The following CCDC180 variants were observed in gnomAD, a reference collection of about 807,000 sequenced individuals.
The protein encoded by CCDC180 is coiled-coil domain containing 180.
A neutral mutation model predicts 209.2 loss-of-function variants in CCDC180; 154 were observed. That is an observed-to-expected ratio of 0.74 (90% CI 0.65 to 0.84). The LOEUF (loss-of-function observed/expected upper bound fraction) is 0.84. CCDC180 is among the 40% of genes least tolerant of loss of function. CCDC180 has a pLI of 0.00. For missense variants in CCDC180, 1,874 were observed against 1,997.3 expected, an observed-to-expected ratio of 0.94 and a Z score of 1.18; for synonymous variants, 778 against 749.1, an observed-to-expected ratio of 1.04 and a Z score of -0.63.
At chr9:97,337,095 T>G (rs1475895435) in intron 18 of CCDC180, among the ~76,000 whole-genome samples, 10 of 152,174 alleles carry the variant, frequency 6.6e-5, no homozygotes, top group African/African-American at 1.2e-4. Flanking sequence ...AATATACAAT[T>G]AGGTCATCTG....
chr9:97,330,162 T>C lies in CCDC180; in HGVS notation c.1797T>C (p.Ala599=). The stretch of plus-strand genomic sequence containing the variant: ...TTGGTTTTTCCTTGTAGAACTTGGC[T>C]GGAGAAGTCATTTTCAAATTCAGGC... ...FVREIFEQNL[A]GEVIFKFRQP... Residue 599 remains alanine, a synonymous_variant, in exon 17 of 37, where the codon GCT becomes GCC. Transcript: ENST00000529487. The C allele has an allele frequency of 6.2e-7, 1 of 1,613,106 alleles. No homozygotes were observed. The highest frequency in any genetic ancestry group is 8.5e-7 in the Non-Finnish European group (1 of 1,179,704).
rs374936508 is a variant in CCDC180, at chr9:97,322,853, A to G, written c.1180A>G (p.Met394Val). 2.4e-4 allele frequency: 381 copies of G among 1,614,114 alleles called. 4 individuals are homozygous for G. The South Asian group carries it at 3.9e-3, about 17-fold the overall frequency. ...KELDTYHVDC[M>V]MRIRLLYEKT... ...TGGAGACACCTACCACGTGGACTGC[A>G]TGATGCGGATCCGCCTGCTGTATGA... The change falls in exon 12 of 37, where the codon ATG (methionine) becomes GTG (valine). Residue 394 changes from methionine (M) to valine (V), a missense_variant. Coordinates refer to ENST00000529487, the MANE Select transcript of CCDC180 (RefSeq NM_020893.6).
intron 25 of CCDC180, among the ~76,000 whole-genome samples, chr9:97,359,318 T>G (rs1826683141): frequency 6.6e-6 from 1 of 152,138 alleles, no homozygotes; most frequent in Admixed American, 6.5e-5. Flanking sequence ...GGGTGTTGGG[T>G]GGGTGCCAGG....
At chr9:97,342,029 A>G (rs1280050066) in intron 18 of CCDC180, among the ~76,000 whole-genome samples, 1 of 152,204 alleles carries the variant, frequency 6.6e-6, no homozygotes, top group Non-Finnish European at 1.5e-5. Flanking sequence ...AGACTTTTGG[A>G]AAAGCACAGT....
chr9:97,374,491 G>A (rs1827186766), intron 34 of CCDC180, 52 bp from the exon 35 acceptor site: 6 of 1,400,106 alleles, frequency 4.3e-6, no homozygotes, highest in Admixed American at 1.8e-5. Flanking sequence ...GAAATCCCTC[G>A]ATCTCAGGCT....
Position 97,323,923 on chromosome 9 carries a change from C to T in CCDC180, c.1371+20C>T. 6.4e-7 allele frequency: 1 copy of T among 1,550,814 alleles called. No individual in the cohort carries two copies. Among genetic ancestry groups the T allele is most frequent in the South Asian group, 1.2e-5 (1 of 83,928 alleles). On this transcript the variant is annotated intron_variant, in intron 13 of 36. Coordinates refer to ENST00000529487, the MANE Select transcript of CCDC180 (RefSeq NM_020893.6). Reference sequence around the variant, plus strand: ...TTGGACGTGCGTGCTGGGGACTGTTCCACTGGGGAGCTGAGGTGGGGTTGG... The same window carrying T: ...TTGGACGTGCGTGCTGGGGACTGTTTCACTGGGGAGCTGAGGTGGGGTTGG...
Position 97,354,632 on chromosome 9 carries a change from G to A in CCDC180, c.3066G>A (p.Glu1022=), listed in dbSNP as rs1181521398. 1 of 1,614,254 alleles carries A rather than the reference G, an allele frequency of 6.2e-7. No homozygotes were observed. The highest frequency in any genetic ancestry group is 1.3e-5 in the African/African-American group (1 of 75,074). The change falls in exon 23 of 37, where the codon GAG becomes GAA. Residue 1022 remains glutamate, a synonymous_variant. Coordinates refer to ENST00000529487, the MANE Select transcript of CCDC180 (RefSeq NM_020893.6). ...KEINSLCSRL[E]KEAARIELVE... ...TCAATTCACTGTGTTCCCGACTGGAGAAGGAAGCTGCCCGGATAGAGTTGG... is the reference window on the plus strand; with the variant it reads ...TCAATTCACTGTGTTCCCGACTGGAAAAGGAAGCTGCCCGGATAGAGTTGG...
chr9:97,316,276 C>G (rs2118567646), intron 8 of CCDC180, among the ~76,000 whole-genome samples: 1 of 152,310 alleles, frequency 6.6e-6, no homozygotes, highest in East Asian at 1.9e-4. Context: ...AGCATGAACC[C>G]CATCTTACGG....
At chr9:97,326,816 G>A in intron 15 of CCDC180, 147 bp downstream of exon 15, 1 of 584,156 alleles carries the variant, frequency 1.7e-6, no homozygotes, top group South Asian at 2.2e-5. Context: ...GCCCTCTGCA[G>A]CTCTACTCTC....
At chr9:97,365,561 A>G (rs1173723792) in intron 29 of CCDC180, 112 bp from the exon 30 acceptor site, 7 of 903,488 alleles carry the variant, frequency 7.7e-6, no homozygotes, top group Non-Finnish European at 1.1e-5. Flanking sequence ...GAGTAATTTC[A>G]AGGAGTGTCA....
rs1825810754 is a variant in CCDC180 at position 97,333,510 on chromosome 9, T to TC, written c.2274+2743_2274+2744insC. ...ATTTGGTCCTGGGTTTGGGTTTTTT[T>TC]TTTTTTTTTTTTTTTTTTTGGTTTG... On this transcript the variant is annotated intron_variant, in intron 18 of 36. Coordinates refer to ENST00000529487, the MANE Select transcript of CCDC180 (RefSeq NM_020893.6). 3.4e-5 allele frequency among the ~76,000 whole-genome samples: 5 copies of TC among 148,454 alleles called. 1 individual carries two copies. The highest frequency in any genetic ancestry group is 1.2e-4 in the African/African-American group (5 of 40,408).
At chr9:97,315,487 C>G (rs1211645393) in intron 8 of CCDC180, among the ~76,000 whole-genome samples, 1 of 152,210 alleles carries the variant, frequency 6.6e-6, no homozygotes, top group Non-Finnish European at 1.5e-5. Context: ...TAGCACCCCT[C>G]CCCACAGCTG....
At chr9:97,311,415 A>T (rs968923325) in intron 3 of CCDC180, among the ~76,000 whole-genome samples, 1 of 152,222 alleles carries the variant, frequency 6.6e-6, no homozygotes, top group Non-Finnish European at 1.5e-5. Context: ...AGTATTGGAC[A>T]TATGGGGCGC....
At chr9:97,339,602 A>G (rs1213329070) in intron 18 of CCDC180, among the ~76,000 whole-genome samples, 11 of 151,824 alleles carry the variant, frequency 7.2e-5, no homozygotes, top group Non-Finnish European at 1.6e-4. Flanking sequence ...TTTTTCCTTC[A>G]TTTCAACCTT....
At chr9:97,338,454 C>T (rs1825976204) in intron 18 of CCDC180, among the ~76,000 whole-genome samples, 1 of 152,134 alleles carries the variant, frequency 6.6e-6, no homozygotes, top group Non-Finnish European at 1.5e-5. Flanking sequence ...TGTTCTGTTT[C>T]CATGGAGTTG....
At chr9:97,347,732 T>C (rs535349505) in intron 20 of CCDC180, 60 of 475,872 alleles carry the variant, frequency 1.3e-4, no homozygotes, top group African/African-American at 8.0e-4. Context: ...GAGGGTGTTA[T>C]AGTTGAAAAC....
Position 97,326,659 on chromosome 9 carries a change from A to G in CCDC180, c.1651A>G (p.Met551Val). ...AAAGGTCAAAGATTATCTGAAGAACATGAAATCCAGGTAGGCCAACCAGAC... is the reference window on the plus strand; with the variant it reads ...AAAGGTCAAAGATTATCTGAAGAACGTGAAATCCAGGTAGGCCAACCAGAC... ...LEKVKDYLKN[M>V]KSRYECFHTL... Residue 551 changes from methionine (M) to valine (V), a missense_variant, in exon 15 of 37, where the codon ATG (methionine) becomes GTG (valine). Physicochemically the swap from Met to Val is conservative, Grantham distance 21. Transcript: ENST00000529487. The G allele has an allele frequency of 6.2e-7, 1 of 1,608,216 alleles. No individual in the cohort carries two copies. Among genetic ancestry groups the G allele is most frequent in the African/African-American group, 1.3e-5 (1 of 74,918 alleles).
At chr9:97,313,205 C>T (rs1318699908) in intron 4 of CCDC180, 31 bp from the exon 5 acceptor site, 1 of 1,458,288 alleles carries the variant, frequency 6.9e-7, no homozygotes, top group South Asian at 1.1e-5. Flanking sequence ...GCTCTGAAGG[C>T]AGCCTCATCA....
At chr9:97,352,150 A>G (rs1826438659) in intron 22 of CCDC180, among the ~76,000 whole-genome samples, 1 of 145,134 alleles carries the variant, frequency 6.9e-6, no homozygotes, top group South Asian at 2.2e-4. Context: ...ACAACAAACA[A>G]TAAAGACGAT....
Sources: gnomAD v4.1 joint callset for allele counts (sites outside exome capture counted in the v4.1 genomes callset) on GRCh38, gnomAD v4.1.1 for gene constraint, MANE v1.5 for transcripts, NCBI Gene and HGNC (gene_info 2026-07-23, HGNC 2026-07-21) for gene names.